The following PIK3AP1 variants were observed in gnomAD, a reference collection of about 807,000 sequenced individuals.
PIK3AP1 encodes phosphoinositide-3-kinase adaptor protein 1, also known as phosphoinositide 3-kinase adapter protein 1.
In PIK3AP1, 21 loss-of-function variants were observed where a neutral mutation model predicts 88.1. That is an observed-to-expected ratio of 0.24 (90% confidence interval 0.17 to 0.34). PIK3AP1 has a LOEUF of 0.34. PIK3AP1 is among the 10% of genes least tolerant of loss of function. PIK3AP1 has a pLI of 1.00. For missense variants in PIK3AP1, 828 were observed against 1,035.7 expected (o/e 0.80, Z 2.75); for synonymous variants, 398 against 400.0 (o/e 1.00, Z 0.06).
intron 1 of PIK3AP1, among the ~76,000 whole-genome samples, chr10:96,714,046 C>G (rs1241843217): frequency 6.6e-6 from 1 of 152,080 alleles, no homozygotes; most frequent in Non-Finnish European, 1.5e-5. Context: ...TGGTGGCATG[C>G]GTCTGTAATT....
At chr10:96,628,689 C>A (rs1843186413) in intron 8 of PIK3AP1, among the ~76,000 whole-genome samples, 196 bp from the exon 9 acceptor site, 1 of 151,646 alleles carries the variant, frequency 6.6e-6, no homozygotes, top group Admixed American at 6.6e-5. Context: ...CGTGCCCAAC[C>A]CTCAGGCTCT....
intron 2 of PIK3AP1, chr10:96,700,787 G>A (rs576616910): frequency 3.0e-6 from 3 of 984,992 alleles, no homozygotes; most frequent in South Asian, 9.4e-5. Flanking sequence ...AGCCCCAGAA[G>A]TCGTCCATGA....
chr10:96,708,554 G>A (rs977236181), intron 2 of PIK3AP1, among the ~76,000 whole-genome samples: 3 of 122,824 alleles, frequency 2.4e-5, no homozygotes, highest in Non-Finnish European at 3.2e-5. Flanking sequence ...CAACCTGGAC[G>A]TCAGAGCGAG....
rs1358962272 is a variant in PIK3AP1 at position 96,595,320 on chromosome 10, T to G, written c.*257A>C. On this transcript the variant is annotated 3_prime_UTR_variant, in exon 17 of 17. Coordinates refer to ENST00000339364, the MANE Select transcript of PIK3AP1 (RefSeq NM_152309.3). ...ATTAGAGGTAAGTATTTCGATTAAG[T>G]CTTCATCCTTTTGGCAAACAAGTAT... 3 of 474,950 alleles carry G rather than the reference T, an allele frequency of 6.3e-6. No individual in the cohort carries two copies. The highest frequency in any genetic ancestry group is 1.1e-5 in the Non-Finnish European group (3 of 266,880). The allele number at this position is 474,950 out of a possible 1,614,324, so 29.4% of individuals were successfully genotyped here. A position where few individuals can be genotyped will look rare whatever the true frequency, so the allele number is the denominator to read the frequency against.
At position 96,629,909 on chromosome 10, in the gene PIK3AP1, C is replaced by CA. The variant is rs66669261; in HGVS notation, c.1376-1417dup. 3.5e-3 allele frequency among the ~76,000 whole-genome samples: 19 copies of CA among 5,412 alleles called. 1 individual carries two copies. The highest frequency in any genetic ancestry group is 6.5e-3 in the Non-Finnish European group (4 of 618). 3.6% of individuals were successfully genotyped at this position (5,412 alleles called of 152,430 possible). On this transcript the variant is annotated intron_variant, in intron 8 of 16. Transcript: ENST00000339364. ...ACCCTGTCTCAATAACAACAACAAC[C>CA]AAAAAAAAAAAAAAAAAAAAAAAGA...
chr10:96,711,739 A>ATTTTTTTT (rs763923650), intron 1 of PIK3AP1, among the ~76,000 whole-genome samples: 887 of 66,436 alleles, frequency 0.013, 137 homozygotes, highest in South Asian at 0.04. Flanking sequence ...AGATTACCAA[A>ATTTTTTTT]TTTTTTTTTT....
chr10:96,606,942 A>G (rs1049630321), intron 14 of PIK3AP1, among the ~76,000 whole-genome samples: 1 of 152,250 alleles, frequency 6.6e-6, no homozygotes, highest in Non-Finnish European at 1.5e-5. Flanking sequence ...TTAAAAAAGA[A>G]AGAAAGAAAA....
intron 2 of PIK3AP1, among the ~76,000 whole-genome samples, chr10:96,665,993 C>A (rs188944642): frequency 6.6e-6 from 1 of 152,138 alleles, no homozygotes; most frequent in Non-Finnish European, 1.5e-5. Flanking sequence ...ACAAAATGAA[C>A]GTGGTCGATT....
At chr10:96,640,598 T>C (rs1843371089) in intron 8 of PIK3AP1, among the ~76,000 whole-genome samples, 1 of 152,224 alleles carries the variant, frequency 6.6e-6, no homozygotes, top group Non-Finnish European at 1.5e-5. Context: ...TTGTCCTTAA[T>C]AAAGACATTT....
rs989921651 is a variant in PIK3AP1, at chr10:96,720,464, T to C, written c.-70A>G. The C allele has an allele frequency of 4.2e-6, 5 of 1,195,860 alleles. No individual in the cohort carries two copies. The East Asian group carries it at 1.4e-4, about 33-fold the overall frequency. The allele number at this position is 1,195,860 out of a possible 1,614,324, so 74.1% of individuals were successfully genotyped here. A position where few individuals can be genotyped will look rare whatever the true frequency, so the allele number is the denominator to read the frequency against. On this transcript the variant is annotated 5_prime_UTR_variant, in exon 1 of 17. Coordinates refer to ENST00000339364, the MANE Select transcript of PIK3AP1 (RefSeq NM_152309.3). The surrounding 1 kb of genome is among the most constrained non-coding windows in gnomAD (Gnocchi z 4.6). ...GCCGGGACCGGGGCCGGCGGCGTCCTGGCTCGGGCTGGAGGGGCGCCGGGC... is the reference window on the plus strand; with the variant it reads ...GCCGGGACCGGGGCCGGCGGCGTCCCGGCTCGGGCTGGAGGGGCGCCGGGC...
At position 96,720,459 on chromosome 10, in the gene PIK3AP1, C is replaced by T. The variant is rs1283758486; in HGVS notation, c.-65G>A. 9 of 1,208,486 alleles carry T rather than the reference C, an allele frequency of 7.4e-6. No homozygotes were observed. Among genetic ancestry groups the T allele is most frequent in the Admixed American group, 4.4e-5 (1 of 22,880 alleles). 74.9% of individuals were successfully genotyped at this position (1,208,486 alleles called of 1,614,324 possible). ...CCGGGGCCGGGACCGGGGCCGGCGG[C>T]GTCCTGGCTCGGGCTGGAGGGGCGC... On this transcript the variant is annotated 5_prime_UTR_variant, in exon 1 of 17. Coordinates refer to ENST00000339364, the MANE Select transcript of PIK3AP1 (RefSeq NM_152309.3). The surrounding 1 kb of genome is among the most constrained non-coding windows in gnomAD (Gnocchi z 4.6).
intron 11 of PIK3AP1, among the ~76,000 whole-genome samples, chr10:96,622,082 C>T (rs1843091661): frequency 2.0e-5 from 3 of 152,228 alleles, no homozygotes; most frequent in Admixed American, 6.5e-5. Flanking sequence ...CTCTAAGCAG[C>T]ATGAGGCACA....
intron 2 of PIK3AP1, among the ~76,000 whole-genome samples, chr10:96,657,212 G>A (rs1430170761): frequency 6.6e-6 from 1 of 152,124 alleles, no homozygotes; most frequent in Non-Finnish European, 1.5e-5. Context: ...CTTAACCAAT[G>A]GGTTTCCGGA....
At chr10:96,709,097 G>A (rs1307485769) in intron 2 of PIK3AP1, among the ~76,000 whole-genome samples, 5 of 131,498 alleles carry the variant, frequency 3.8e-5, no homozygotes, top group Non-Finnish European at 7.7e-5. Context: ...GCACCATTGC[G>A]ATCCAGCCTG....
intron 2 of PIK3AP1, among the ~76,000 whole-genome samples, chr10:96,659,867 C>A (rs1843662871): frequency 6.6e-6 from 1 of 152,068 alleles, no homozygotes; most frequent in Non-Finnish European, 1.5e-5. Flanking sequence ...AGCCACACAA[C>A]CTTCTTTGAA....
At chr10:96,690,080 G>T (rs534888632) in intron 2 of PIK3AP1, among the ~76,000 whole-genome samples, 2 of 152,092 alleles carry the variant, frequency 1.3e-5, no homozygotes, top group African/African-American at 2.4e-5. Context: ...GCTTATTTCC[G>T]CATAAAAGTC....
chr10:96,620,848 C>A (rs1843070020), intron 11 of PIK3AP1: 1 of 311,866 alleles, frequency 3.2e-6, no homozygotes, highest in Middle Eastern at 9.5e-4. Flanking sequence ...AGGCTTCATT[C>A]ATTTCATTTT....
chr10:96,708,063 G>A (rs1015138294), intron 2 of PIK3AP1, among the ~76,000 whole-genome samples: 2 of 152,156 alleles, frequency 1.3e-5, no homozygotes, highest in African/African-American at 4.8e-5. Flanking sequence ...TAAGGCCACT[G>A]AAAATTAGTA....
At chr10:96,638,929 CAT>C (rs759250407) in intron 8 of PIK3AP1, among the ~76,000 whole-genome samples, 29 of 116,116 alleles carry the variant, frequency 2.5e-4, no homozygotes, top group Admixed American at 6.1e-4. Context: ...GATTTAAACA[CAT>C]GAGAGGTTTG....
Sources: gnomAD v4.1 joint callset for allele counts (sites outside exome capture counted in the v4.1 genomes callset) on GRCh38, gnomAD v4.1.1 for gene constraint, Gnocchi (gnomAD v3.1) non-coding constraint, MANE v1.5 for transcripts, NCBI Gene and HGNC (gene_info 2026-07-23, HGNC 2026-07-21) for gene names.